Variants in SNX18 observed in about 807,000 individuals in gnomAD.
The protein encoded by SNX18 is sorting nexin 18.
SNX18 carries 35 observed loss-of-function variants against 48.7 expected under a neutral mutation model. The ratio of observed to expected loss-of-function variants is 0.72; its 90% CI spans 0.55 to 0.95. The LOEUF is 0.95. Among genes scored for constraint, SNX18 ranks in the 40% least tolerant of loss-of-function variants. The probability of loss-of-function intolerance (pLI) is 0.00; values close to 1 mark genes in which losing one functional copy is unlikely to be tolerated. For synonymous variants in SNX18, 492 were observed against 384.7 expected, an observed-to-expected ratio of 1.28 and a Z score of -3.26; for missense variants, 824 against 871.0, an observed-to-expected ratio of 0.95 and a Z score of 0.68.
chr5:54,543,062 T>C, intron 1 of SNX18, 117 bp from the exon 2 acceptor site: 1 of 937,650 alleles, frequency 1.1e-6, no homozygotes, highest in Admixed American at 3.4e-5. Flanking sequence ...ATTTCAAAGG[T>C]ATTGAAAATA....
chr5:54,626,146 C>A, the SNX18 span, among the ~76,000 whole-genome samples: 1 of 151,990 alleles, frequency 6.6e-6, no homozygotes, highest in Non-Finnish European at 1.5e-5. Flanking sequence ...TGAAAGACAT[C>A]TGATATACAG....
At chr5:54,615,412 T>A in the SNX18 span, among the ~76,000 whole-genome samples, 2 of 151,144 alleles carry the variant, frequency 1.3e-5, no homozygotes, top group East Asian at 1.9e-4. Flanking sequence ...GTCTGCCTCA[T>A]GCATTCCTAC....
the SNX18 span, among the ~76,000 whole-genome samples, chr5:54,604,263 G>T: frequency 6.6e-6 from 1 of 152,112 alleles, no homozygotes; most frequent in Admixed American, 6.5e-5. Flanking sequence ...CTACCACTAG[G>T]TATAACACCT....
At chr5:54,597,885 G>T in the SNX18 span, among the ~76,000 whole-genome samples, 1 of 151,788 alleles carries the variant, frequency 6.6e-6, no homozygotes, top group African/African-American at 2.4e-5. Flanking sequence ...AAATAACCAA[G>T]ATCAGAGCAG....
In SNX18 at chr5:54,518,147, C is replaced by A; in HGVS notation, c.195C>A (p.Gly65=). Residue 65 remains glycine (G), a synonymous_variant, in exon 1 of 2, where the codon GGC becomes GGA. Coordinates refer to ENST00000381410, the MANE Select transcript of SNX18 (RefSeq NM_001102575.2). ...YVQVIRAPEP[G]PAGDGGPGAP... is the part of the protein sequence containing the mutation. ...AGGTGATCCGCGCCCCCGAGCCTGG[C>A]CCGGCGGGAGACGGCGGCCCGGGCG... 1 of 1,404,076 alleles carries A rather than the reference C, an allele frequency of 7.1e-7. No individual in the cohort carries two copies. The highest frequency in any genetic ancestry group is 9.2e-7 in the Non-Finnish European group (1 of 1,085,224). 87.0% of individuals were successfully genotyped at this position (1,404,076 alleles called of 1,614,324 possible).
At chr5:54,581,839 C>A in the SNX18 span, among the ~76,000 whole-genome samples, 7 of 152,250 alleles carry the variant, frequency 4.6e-5, no homozygotes, top group East Asian at 1.2e-3. Context: ...ATGTAGCAAG[C>A]AAAACATCTG....
At chr5:54,534,217 A>C in intron 1 of SNX18, among the ~76,000 whole-genome samples, 1 of 149,614 alleles carries the variant, frequency 6.7e-6, no homozygotes, top group East Asian at 2.0e-4. Flanking sequence ...TTCAAAATTA[A>C]ATAAGGTGCT....
intron 1 of SNX18, among the ~76,000 whole-genome samples, chr5:54,534,127 C>T (rs973881745): frequency 1.8e-4 from 27 of 152,260 alleles, no homozygotes; most frequent in African/African-American, 5.5e-4. Context: ...TGTTCTTTCC[C>T]GTACACCATG....
chr5:54,599,713 T>C, the SNX18 span, among the ~76,000 whole-genome samples: 172 of 151,966 alleles, frequency 1.1e-3, no homozygotes, highest in African/African-American at 4.0e-3. Flanking sequence ...TTCAACAAAC[T>C]TGACAAAAAC....
At chr5:54,629,023 T>A in the SNX18 span, among the ~76,000 whole-genome samples, 1 of 152,248 alleles carries the variant, frequency 6.6e-6, no homozygotes, top group African/African-American at 2.4e-5. Flanking sequence ...TCGGGAGATC[T>A]TCAACCCACA....
At chr5:54,588,331 T>A in the SNX18 span, among the ~76,000 whole-genome samples, 2 of 49,156 alleles carry the variant, frequency 4.1e-5, no homozygotes, top group Non-Finnish European at 7.8e-5. Flanking sequence ...TTTTTTTTTT[T>A]TTTTTTTTTT....
At chr5:54,554,847 T>C in the SNX18 span, among the ~76,000 whole-genome samples, 1 of 152,126 alleles carries the variant, frequency 6.6e-6, no homozygotes, top group East Asian at 1.9e-4. Flanking sequence ...GATTTCCAGA[T>C]TATATCGGGG....
the SNX18 span, among the ~76,000 whole-genome samples, chr5:54,608,614 T>TGTTTAAATA: frequency 6.6e-6 from 1 of 152,192 alleles, no homozygotes; most frequent in Non-Finnish European, 1.5e-5. Context: ...TAGCCTGAGC[T>TGTTTAAATA]GTTTAAATAG....
In SNX18 at chr5:54,544,350, G is replaced by A. The variant is rs1316348074; in HGVS notation, c.*918G>A. The A allele has an allele frequency of 1.3e-5, 2 of 151,724 alleles. No homozygotes were observed. Among genetic ancestry groups the A allele is most frequent in the Non-Finnish European group, 2.9e-5 (2 of 67,972 alleles). The allele number at this position is 151,724 out of a possible 1,614,324, so 9.4% of individuals were successfully genotyped here. ...ACACACTTGGCTTTAGTTCTTAGGAGGGTTTTGTTTTTGTTTTTGTTTTTA... is the reference window on the plus strand; with the variant it reads ...ACACACTTGGCTTTAGTTCTTAGGAAGGTTTTGTTTTTGTTTTTGTTTTTA... On this transcript the variant is annotated 3_prime_UTR_variant, in exon 2 of 2. Coordinates refer to ENST00000381410, the MANE Select transcript of SNX18 (RefSeq NM_001102575.2).
chr5:54,578,301 C>A, the SNX18 span, among the ~76,000 whole-genome samples: 1 of 152,244 alleles, frequency 6.6e-6, no homozygotes, highest in African/African-American at 2.4e-5. Flanking sequence ...TTTTGCTAAA[C>A]AAAGGCATTC....
the SNX18 span, among the ~76,000 whole-genome samples, chr5:54,561,375 G>GTCTC: frequency 6.7e-6 from 1 of 150,266 alleles, no homozygotes; most frequent in East Asian, 2.0e-4. Flanking sequence ...TTTCGACAGG[G>GTCTC]TCTCACACTG....
chr5:54,601,231 T>G, the SNX18 span, among the ~76,000 whole-genome samples: 7 of 40,194 alleles, frequency 1.7e-4, no homozygotes, highest in Non-Finnish European at 5.9e-4. Flanking sequence ...TGGCAGCCAT[T>G]ACAAATCATG....
rs762589714 is a variant in SNX18 at position 54,526,241 on chromosome 5, A to AT, written c.1621+6670dup. Among the ~76,000 whole-genome samples, 536 of 152,212 alleles carry AT rather than the reference A, an allele frequency of 3.5e-3. 16 individuals carry two copies. Among genetic ancestry groups the AT allele is most frequent in the Non-Finnish European group, 1.1e-3 (73 of 68,014 alleles). On this transcript the variant is annotated intron_variant, in intron 1 of 1. Coordinates refer to ENST00000381410, the MANE Select transcript of SNX18 (RefSeq NM_001102575.2). ...TGCCTCAGCCGCCCGAGTAACTGGG[A>AT]TTACAGGCATGTGCCACCATGCTTG...
chr5:54,576,926 C>T, the SNX18 span, among the ~76,000 whole-genome samples: 1,326 of 152,192 alleles, frequency 8.7e-3, 21 homozygotes, highest in African/African-American at 0.03. Flanking sequence ...CTCAGCCTCC[C>T]GAGTAGCTGG....
Sources: allele counts gnomAD v4.1 joint callset (sites outside exome capture counted in the v4.1 genomes callset), GRCh38; gene constraint gnomAD v4.1.1; transcripts MANE v1.5; gene names NCBI Gene and HGNC (gene_info 2026-07-23, HGNC 2026-07-21).